RAE1: variants seen among roughly 807,000 people sequenced by gnomAD.
RAE1 encodes mRNA export factor RAE1.
Under a neutral mutation model 52.7 loss-of-function variants are expected in RAE1, and 13 were observed. The observed-to-expected ratio is 0.25, with a 90% CI of 0.16 to 0.39. RAE1 has a LOEUF of 0.39. Ranked by LOEUF, RAE1 falls within the 10% of genes least tolerant of loss-of-function variation. The pLI is 1.00. For missense variants in RAE1, 262 were observed against 459.8 expected, an observed-to-expected ratio of 0.57 and a Z score of 3.93; for synonymous variants, 164 against 153.1, an observed-to-expected ratio of 1.07 and a Z score of -0.52.
At chr20:57,364,679 A>T (rs2066930983) in intron 4 of RAE1, among the ~76,000 whole-genome samples, 1 of 152,222 alleles carries the variant, frequency 6.6e-6, no homozygotes, top group South Asian at 2.1e-4. Flanking sequence ...TCATTGACAT[A>T]ATATGTCTGG....
At chr20:57,370,235 T>G (rs1429353567) in intron 8 of RAE1, among the ~76,000 whole-genome samples, 1 of 152,150 alleles carries the variant, frequency 6.6e-6, no homozygotes, top group African/African-American at 2.4e-5. Flanking sequence ...ACCAGAACTG[T>G]TTTTGGCGTG....
intron 4 of RAE1, chr20:57,359,765 C>G (rs1247716538): frequency 6.6e-6 from 1 of 152,164 alleles, no homozygotes; most frequent in Non-Finnish European, 1.5e-5. Flanking sequence ...GGCCATAGTT[C>G]TATGTAAAGT....
chr20:57,373,955 G>A (rs1216694525), intron 10 of RAE1, among the ~76,000 whole-genome samples: 3 of 152,172 alleles, frequency 2.0e-5, no homozygotes, highest in African/African-American at 7.2e-5. Flanking sequence ...GTGCAGTGGC[G>A]TGATATCACC....
chr20:57,368,029 C>G (rs1479441849), intron 7 of RAE1, among the ~76,000 whole-genome samples: 2 of 152,116 alleles, frequency 1.3e-5, no homozygotes, highest in Non-Finnish European at 2.9e-5. Flanking sequence ...ACTGGGACTA[C>G]AGGTGTGTGC....
In RAE1 at chr20:57,374,665, G is replaced by A; in HGVS notation, c.884G>A (p.Gly295Asp). The stretch of plus-strand genomic sequence containing the variant: ...ACCCTTGCAACTGTGGGATCTGATG[G>A]TAGATTCAGCTTCTGGGACAAAGAT... ...HGTLATVGSDGRFSFWDKDAR... is the reference protein window; with the variant it reads ...HGTLATVGSDDRFSFWDKDAR... The change falls in exon 11 of 12, where the codon GGT becomes GAT. Residue 295 changes from glycine (G) to aspartate (D), a missense_variant. Coordinates refer to ENST00000395841, the MANE Select transcript of RAE1 (RefSeq NM_003610.4). 2 of 1,614,192 alleles carry A rather than the reference G, an allele frequency of 1.2e-6. No individual in the cohort carries two copies. The highest frequency in any genetic ancestry group is 2.2e-5 in the East Asian group (1 of 44,882).
At chr20:57,367,481 G>A (rs931959830) in intron 7 of RAE1, among the ~76,000 whole-genome samples, 7 of 152,100 alleles carry the variant, frequency 4.6e-5, no homozygotes, top group Admixed American at 1.3e-4. Context: ...GGTAGCTCAC[G>A]CCTATAATCC....
At chr20:57,351,862 C>G in intron 1 of RAE1, 1 of 985,402 alleles carries the variant, frequency 1.0e-6, no homozygotes, top group African/African-American at 1.7e-5. Context: ...TGTCTTAGCC[C>G]GCCAAGTATT....
chr20:57,359,022 G>T, intron 4 of RAE1: 1 of 1,521,062 alleles, frequency 6.6e-7, no homozygotes, highest in Non-Finnish European at 8.8e-7. Flanking sequence ...AGAGACAGCT[G>T]AACCTTCGTG....
At chr20:57,377,136 TGGTCACTGTTGA>T (rs1160836514) in intron 11 of RAE1, among the ~76,000 whole-genome samples, 1 of 152,210 alleles carries the variant, frequency 6.6e-6, no homozygotes, top group African/African-American at 2.4e-5. Context: ...TGAGAATTAG[TGGTCACTGTTGA>T]GCAAAACTTC....
At chr20:57,354,654 C>A in intron 2 of RAE1, 58 bp from the exon 3 acceptor site, 1 of 1,287,654 alleles carries the variant, frequency 7.8e-7, no homozygotes, top group Non-Finnish European at 1.1e-6. Flanking sequence ...AGAAAGAAAA[C>A]AATTTGGAAT....
intron 8 of RAE1, chr20:57,371,869 C>G (rs998652410): frequency 6.6e-6 from 1 of 152,178 alleles, no homozygotes; most frequent in East Asian, 1.9e-4. Flanking sequence ...TCCTGCCATT[C>G]GTGACAACGT....
intron 11 of RAE1, 122 bp downstream of exon 11, chr20:57,374,923 C>A: frequency 9.3e-7 from 1 of 1,076,516 alleles, no homozygotes; most frequent in Non-Finnish European, 1.4e-6. Context: ...GGCAGGTCAC[C>A]GTCCCCTCCC....
intron 7 of RAE1, among the ~76,000 whole-genome samples, chr20:57,367,927 G>T (rs191614779): frequency 2.2e-3 from 336 of 152,068 alleles, no homozygotes; most frequent in African/African-American, 7.6e-3. Flanking sequence ...GTCTTGCTCT[G>T]TCGCCAGGCT....
intron 8 of RAE1, among the ~76,000 whole-genome samples, chr20:57,370,395 T>G (rs1020510014): frequency 1.3e-5 from 2 of 152,212 alleles, no homozygotes; most frequent in Non-Finnish European, 2.9e-5. Context: ...GTGGCTCTTC[T>G]ATCCTTGCTG....
intron 8 of RAE1, chr20:57,371,979 A>C (rs2067042203): frequency 1.3e-5 from 2 of 152,386 alleles, no homozygotes; most frequent in South Asian, 4.1e-4. Context: ...GACTCACAGA[A>C]GTAAAGGGTG....
intron 4 of RAE1, among the ~76,000 whole-genome samples, chr20:57,356,870 G>T (rs147963707): frequency 6.6e-6 from 1 of 152,220 alleles, no homozygotes; most frequent in African/African-American, 2.4e-5. Context: ...AGCTGCAGCT[G>T]TAGAGGGGCT....
intron 4 of RAE1, among the ~76,000 whole-genome samples, chr20:57,360,372 A>G (rs966603692): frequency 2.0e-5 from 3 of 152,170 alleles, no homozygotes; most frequent in African/African-American, 7.2e-5. Context: ...TGCTTACTCT[A>G]TAACCTTTTT....
chr20:57,373,844 T>C (rs2067071943), intron 10 of RAE1, 106 bp downstream of exon 10: 1 of 1,189,706 alleles, frequency 8.4e-7, no homozygotes, highest in Non-Finnish European at 1.2e-6. Flanking sequence ...AGAGCTTGTG[T>C]GTTCATGTCC....
intron 8 of RAE1, chr20:57,372,016 G>A (rs1243073228): frequency 6.6e-6 from 1 of 152,242 alleles, no homozygotes; most frequent in Non-Finnish European, 1.5e-5. Context: ...GGGATTGGGG[G>A]AGAGGGAAAT....
Sources: allele counts gnomAD v4.1 joint callset (sites outside exome capture counted in the v4.1 genomes callset), GRCh38; gene constraint gnomAD v4.1.1; transcripts MANE v1.5; gene names NCBI Gene and HGNC (gene_info 2026-07-23, HGNC 2026-07-21).